Variants in KCNAB1 observed in about 807,000 individuals in gnomAD.
KCNAB1 encodes potassium voltage-gated channel subfamily A regulatory beta subunit 1.
Under a neutral mutation model 64.6 loss-of-function variants are expected in KCNAB1, and 35 were observed. The observed-to-expected ratio is 0.54, with a 90% CI of 0.41 to 0.72. The LOEUF (loss-of-function observed/expected upper bound fraction) is 0.72. KCNAB1 is among the 30% of genes least tolerant of loss of function. KCNAB1 has a pLI of 0.00. For missense variants in KCNAB1, 401 were observed against 512.9 expected (o/e 0.78, Z 2.11); for synonymous variants, 177 against 183.8 (o/e 0.96, Z 0.30).
intron 1 of KCNAB1, among the ~76,000 whole-genome samples, chr3:156,270,986 A>G (rs1411581817): frequency 3.9e-5 from 6 of 152,226 alleles, no homozygotes; most frequent in African/African-American, 1.4e-4. Context: ...TCTTTCCATC[A>G]ACACTTTAAA....
chr3:156,385,136 C>T (rs1171008595), intron 1 of KCNAB1, among the ~76,000 whole-genome samples: 1 of 152,126 alleles, frequency 6.6e-6, no homozygotes, highest in Non-Finnish European at 1.5e-5. Flanking sequence ...TGCCAAAGTG[C>T]CAGTCAGAGT....
At chr3:156,331,483 T>C (rs968704031) in intron 1 of KCNAB1, among the ~76,000 whole-genome samples, 3 of 152,326 alleles carry the variant, frequency 2.0e-5, no homozygotes, top group African/African-American at 7.2e-5. Flanking sequence ...ACGTTCAATG[T>C]AAAAGAATAC....
At chr3:156,288,726 C>A (rs953663617) in intron 1 of KCNAB1, among the ~76,000 whole-genome samples, 5 of 152,154 alleles carry the variant, frequency 3.3e-5, no homozygotes, top group African/African-American at 9.7e-5. Flanking sequence ...GGCCTCAGGT[C>A]TTTGATTTTC....
intron 1 of KCNAB1, among the ~76,000 whole-genome samples, chr3:156,276,763 G>C (rs1418383217): frequency 1.3e-5 from 2 of 152,122 alleles, no homozygotes; most frequent in African/African-American, 4.8e-5. Flanking sequence ...TTATGGCCTT[G>C]CTCTGGATTG....
At chr3:156,333,813 A>G (rs908741343) in intron 1 of KCNAB1, among the ~76,000 whole-genome samples, 6 of 152,202 alleles carry the variant, frequency 3.9e-5, no homozygotes, top group Non-Finnish European at 5.9e-5. Flanking sequence ...TGACAGGTAA[A>G]ATGTGATATG....
intron 1 of KCNAB1, among the ~76,000 whole-genome samples, chr3:156,395,295 C>T (rs1255528936): frequency 6.7e-6 from 1 of 149,744 alleles, no homozygotes; most frequent in Non-Finnish European, 1.5e-5. Context: ...CCTGTAATCC[C>T]AGCACTTTGG....
chr3:156,317,515 A>C (rs956740103), intron 1 of KCNAB1, among the ~76,000 whole-genome samples: 1 of 152,046 alleles, frequency 6.6e-6, no homozygotes, highest in African/African-American at 2.4e-5. Context: ...TCCATCCATT[A>C]ATACGTGTGG....
rs777910383 is a variant in KCNAB1 at position 156,374,509 on chromosome 3, G to T, written c.276-47107G>T. ...ATTTGTCAAACATTATTTTTTAGAA[G>T]GTACACCAATATTGAGGCTTAATTC... is the stretch of plus-strand genomic sequence containing the variant. On this transcript the variant is annotated intron_variant, in intron 1 of 13. Coordinates refer to ENST00000490337, the MANE Select transcript of KCNAB1 (RefSeq NM_172160.3). 3.0e-5 allele frequency among the ~76,000 whole-genome samples: 4 copies of T among 135,130 alleles called. 1 individual carries two copies. The highest frequency in any genetic ancestry group is 6.2e-5 in the Non-Finnish European group (4 of 64,904). The allele number at this position is 135,130 out of a possible 152,430, so 88.7% of individuals were successfully genotyped here.
chr3:156,309,563 T>C (rs1052791837), intron 1 of KCNAB1, among the ~76,000 whole-genome samples: 1 of 152,246 alleles, frequency 6.6e-6, no homozygotes, highest in Admixed American at 6.5e-5. Context: ...TTACCTTTAC[T>C]GGGGAGACAA....
chr3:156,285,169 A>G (rs1245849582), intron 1 of KCNAB1, among the ~76,000 whole-genome samples: 5 of 150,902 alleles, frequency 3.3e-5, no homozygotes, highest in Non-Finnish European at 7.5e-5. Context: ...GATATATAAA[A>G]TAAATGTGTA....
intron 1 of KCNAB1, among the ~76,000 whole-genome samples, chr3:156,418,131 C>T (rs189775621): frequency 3.3e-5 from 5 of 152,246 alleles, no homozygotes; most frequent in Admixed American, 3.3e-4. Flanking sequence ...AATAGTTAAA[C>T]CTGTGCAGTG....
chr3:156,151,455 C>T (rs1218400828), intron 1 of KCNAB1, among the ~76,000 whole-genome samples: 1 of 152,140 alleles, frequency 6.6e-6, no homozygotes, highest in African/African-American at 2.4e-5. Context: ...CTGTCTAGTA[C>T]TTAAGGCCAG....
At chr3:156,454,263 A>G (rs1712222472) in intron 3 of KCNAB1, among the ~76,000 whole-genome samples, 1 of 152,204 alleles carries the variant, frequency 6.6e-6, no homozygotes. Flanking sequence ...GGGCAGACAG[A>G]GAACTTGGGT....
At chr3:156,425,988 T>G (rs927996529) in intron 2 of KCNAB1, among the ~76,000 whole-genome samples, 10 of 151,952 alleles carry the variant, frequency 6.6e-5, no homozygotes, top group Admixed American at 1.3e-4. Context: ...AGAGGGAGAC[T>G]CCACCGAGGG....
intron 1 of KCNAB1, among the ~76,000 whole-genome samples, chr3:156,308,975 A>G (rs1042547473): frequency 3.9e-5 from 6 of 152,206 alleles, no homozygotes; most frequent in Admixed American, 6.5e-5. Context: ...CAGATTTTCA[A>G]TAAAAGTTAT....
At chr3:156,159,932 C>T (rs1715977135) in intron 1 of KCNAB1, among the ~76,000 whole-genome samples, 1 of 152,200 alleles carries the variant, frequency 6.6e-6, no homozygotes, top group South Asian at 2.1e-4. Flanking sequence ...TAAAGAAATT[C>T]TAAGAGCAGT....
intron 1 of KCNAB1, among the ~76,000 whole-genome samples, chr3:156,162,100 G>A (rs1388377523): frequency 1.3e-5 from 2 of 152,210 alleles, no homozygotes; most frequent in African/African-American, 4.8e-5. Context: ...AACACTGTGC[G>A]TGGGATGCCT....
intron 1 of KCNAB1, among the ~76,000 whole-genome samples, chr3:156,369,004 GTTAGTTTTTCA>G (rs371032000): frequency 0.014 from 2,121 of 152,264 alleles, 19 homozygotes; most frequent in South Asian, 0.031. Flanking sequence ...TGTACAACTT[GTTAGTTTTTCA>G]TATGCTCATG....
At chr3:156,250,362 G>A (rs1455488207) in intron 1 of KCNAB1, among the ~76,000 whole-genome samples, 1 of 152,092 alleles carries the variant, frequency 6.6e-6, no homozygotes, top group African/African-American at 2.4e-5. Flanking sequence ...TTTGCCCAAG[G>A]CCAGCTGTGT....
Sources: allele counts gnomAD v4.1 joint callset (sites outside exome capture counted in the v4.1 genomes callset), GRCh38; gene constraint gnomAD v4.1.1; transcripts MANE v1.5; gene names NCBI Gene and HGNC (gene_info 2026-07-23, HGNC 2026-07-21).